RGS4: variants seen among roughly 807,000 people sequenced by gnomAD.
RGS4 encodes the protein regulator of G protein signaling 4.
In RGS4, 15 loss-of-function variants were observed where a neutral mutation model predicts 21.6. That is an observed-to-expected ratio of 0.69 (90% CI 0.46 to 1.07). The LOEUF is 1.07. Among genes scored for constraint, RGS4 ranks in the 50% least tolerant of loss-of-function variants. RGS4 has a pLI of 0.00. For synonymous variants in RGS4, 94 were observed against 85.5 expected, an observed-to-expected ratio of 1.10 and a Z score of -0.55; for missense variants, 237 against 239.0, an observed-to-expected ratio of 0.99 and a Z score of 0.06.
Position 163,074,356 on chromosome 1 carries a change from C to G in RGS4, c.414C>G (p.Ser138Arg). ...ATTCTTGCACCAGGGAAGAGACAAG[C>G]CGGAACATGCTAGAGCCTACAATAA... Reference protein sequence around the residue: ...NLDSCTREETSRNMLEPTITC... With the variant: ...NLDSCTREETRRNMLEPTITC... The change falls in exon 5 of 5, where the codon AGC becomes AGG. Residue 138 changes from serine to arginine, a missense_variant. Coordinates refer to ENST00000367909, the MANE Select transcript of RGS4 (RefSeq NM_005613.6). The G allele has an allele frequency of 6.2e-7, 1 of 1,613,846 alleles. No homozygotes were observed. Among genetic ancestry groups the G allele is most frequent in the Non-Finnish European group, 8.5e-7 (1 of 1,179,814 alleles).
In RGS4 at chr1:163,072,858, G is replaced by A. The variant is rs1331385417; in HGVS notation, c.203G>A (p.Ser68Asn). 2 of 1,612,956 alleles carry A rather than the reference G, an allele frequency of 1.2e-6. No homozygotes were observed. The highest frequency in any genetic ancestry group is 1.7e-6 in the Non-Finnish European group (2 of 1,179,298). ...GCTGAATCACTGGAAAACCTGATTA[G>A]TCATGAATGTAAGTCTGACAGCAAC... ...KWAESLENLI[S>N]HECGLAAFKA... Residue 68 changes from serine to asparagine, a missense_variant, in exon 3 of 5, where the codon AGT becomes AAT. Physicochemically the swap from Ser to Asn is conservative, Grantham distance 46 (BLOSUM62 1). Transcript: ENST00000367909.
At chr1:163,073,739 C>A (rs1255604492) in intron 4 of RGS4, 117 bp downstream of exon 4, 2 of 623,544 alleles carry the variant, frequency 3.2e-6, no homozygotes, top group African/African-American at 1.9e-5. Context: ...ATACATATCT[C>A]AAACATTTAT....
In RGS4 at chr1:163,075,059, A is replaced by G; in HGVS notation, c.*499A>G. Reference sequence around the variant, plus strand: ...AGACACACATATACATTATTTCTGTATATAGATGTCTGTGTATACATATGT... The same window carrying G: ...AGACACACATATACATTATTTCTGTGTATAGATGTCTGTGTATACATATGT... On this transcript the variant is annotated 3_prime_UTR_variant, in exon 5 of 5. Coordinates refer to ENST00000367909, the MANE Select transcript of RGS4 (RefSeq NM_005613.6). 4.3e-6 allele frequency: 1 copy of G among 232,478 alleles called. No individual in the cohort carries two copies. Among genetic ancestry groups the G allele is most frequent in the East Asian group, 1.0e-4 (1 of 9,686 alleles). 14.4% of individuals were successfully genotyped at this position (232,478 alleles called of 1,614,324 possible).
Position 163,074,583 on chromosome 1 carries a change from T to C in RGS4, c.*23T>C. 1.2e-6 allele frequency: 2 copies of C among 1,613,836 alleles called. No individual in the cohort carries two copies. Among genetic ancestry groups the C allele is most frequent in the Non-Finnish European group, 1.7e-6 (2 of 1,179,864 alleles). ...TAATTCTCACCTGAAGGCAGAGGGA[T>C]GAAATGCCAAGACTCTATGCTCTGG... On this transcript the variant is annotated 3_prime_UTR_variant, in exon 5 of 5. Coordinates refer to ENST00000367909, the MANE Select transcript of RGS4 (RefSeq NM_005613.6).
At chr1:163,068,911 A>C, upstream of RGS4, 16 of 1,509,460 alleles carry the variant, frequency 1.1e-5, no homozygotes, top group East Asian at 2.3e-5. Context: ...CCTTTTGGAA[A>C]TCGTGAGGAT....
Position 163,075,762 on chromosome 1 carries a change from A to G in RGS4, c.*1202A>G, listed in dbSNP as rs1655475167. ...TTTCTTTATAATGGCTCTGGGCTAT[A>G]TGCCTATATTTATAAACCAGCAGCA... On this transcript the variant is annotated 3_prime_UTR_variant, in exon 5 of 5. Coordinates refer to ENST00000367909, the MANE Select transcript of RGS4 (RefSeq NM_005613.6). The G allele has an allele frequency of 6.6e-6, 1 of 152,046 alleles. No homozygotes were observed. The highest frequency in any genetic ancestry group is 2.4e-5 in the African/African-American group (1 of 41,404). The allele number at this position is 152,046 out of a possible 1,614,324, so 9.4% of individuals were successfully genotyped here.
intron 3 of RGS4, 59 bp downstream of exon 3, chr1:163,072,925 G>C: frequency 2.1e-6 from 3 of 1,420,940 alleles, no homozygotes; most frequent in Non-Finnish European, 3.0e-6. Context: ...ATATTATGCT[G>C]GTCTAATAGA....
chr1:163,072,036 T>G (rs963871959), intron 1 of RGS4: 53 of 997,816 alleles, frequency 5.3e-5, no homozygotes, highest in Non-Finnish European at 5.7e-5. Flanking sequence ...TTCCTAAAAA[T>G]TACTCAGAGA....
chr1:163,068,906 T>G (rs1438994115), upstream of RGS4: 3 of 1,488,846 alleles, frequency 2.0e-6, no homozygotes, highest in Non-Finnish European at 2.8e-6. Context: ...AGCTCCCTTT[T>G]GGAAATCGTG....
chr1:163,072,287 C>G (rs112534087), intron 1 of RGS4, 108 bp from the exon 2 acceptor site: 3 of 934,312 alleles, frequency 3.2e-6, no homozygotes, highest in Non-Finnish European at 4.7e-6. Context: ...GTTCCCTAAA[C>G]TGTCTCTGAG....
Position 163,074,952 on chromosome 1 carries a change from T to C in RGS4, c.*392T>C. ...ATGTATTCTGTTGGCCAGCACGTTC[T>C]CCAGACTCTAGATGTTTAGATGAGG... On this transcript the variant is annotated 3_prime_UTR_variant, in exon 5 of 5. Coordinates refer to ENST00000367909, the MANE Select transcript of RGS4 (RefSeq NM_005613.6). The C allele has an allele frequency of 3.8e-6, 2 of 519,536 alleles. No individual in the cohort carries two copies. The highest frequency in any genetic ancestry group is 6.9e-6 in the Non-Finnish European group (2 of 290,270). The allele number at this position is 519,536 out of a possible 1,614,324, so 32.2% of individuals were successfully genotyped here. A position where few individuals can be genotyped will look rare whatever the true frequency, so the allele number is the denominator to read the frequency against.
chr1:163,071,500 G>A (rs1655298278), intron 1 of RGS4, among the ~76,000 whole-genome samples: 1 of 152,024 alleles, frequency 6.6e-6, no homozygotes, highest in South Asian at 2.1e-4. Context: ...TTAATAAAAA[G>A]TAAGAGAGTT....
At chr1:163,069,566 T>C in intron 1 of RGS4, 38 bp downstream of exon 1, 6 of 1,547,316 alleles carry the variant, frequency 3.9e-6, no homozygotes, top group Non-Finnish European at 5.3e-6. Context: ...ATTAAACTTT[T>C]GGCTAGACTT....
intron 4 of RGS4, 58 bp from the exon 5 acceptor site, chr1:163,074,263 A>G: frequency 6.2e-7 from 1 of 1,605,538 alleles, no homozygotes; most frequent in Non-Finnish European, 8.5e-7. Flanking sequence ...CAAAGCATAC[A>G]GGCTTGCATC....
rs11544157 is a variant in RGS4, at chr1:163,074,434, C to T, written c.492C>T (p.Ser164=). ...TTTTCAACCTGATGGAGAAGGATTC[C>T]TACCGCCGCTTCCTCAAGTCTCGAT... ...KKIFNLMEKD[S]YRRFLKSRFY... Residue 164 remains serine, a synonymous_variant, in exon 5 of 5, where the codon TCC becomes TCT. Transcript: ENST00000367909. 1.2e-6 allele frequency: 2 copies of T among 1,613,884 alleles called. No homozygotes were observed. The highest frequency in any genetic ancestry group is 1.3e-5 in the African/African-American group (1 of 75,020).
chr1:163,073,280 G>A (rs1354004056), intron 3 of RGS4, among the ~76,000 whole-genome samples, 176 bp from the exon 4 acceptor site: 1 of 152,094 alleles, frequency 6.6e-6, no homozygotes, highest in Non-Finnish European at 1.5e-5. Flanking sequence ...GGGAACCACT[G>A]GATATCAAAC....
At chr1:163,074,202 T>C (rs1655420444) in intron 4 of RGS4, 119 bp from the exon 5 acceptor site, 2 of 1,316,482 alleles carry the variant, frequency 1.5e-6, no homozygotes, top group South Asian at 2.8e-5. Context: ...ATGTCACTTT[T>C]GTTTTTTGCT....
In RGS4 at chr1:163,074,199, T is replaced by C; in HGVS notation, c.379-122T>C. 4 of 1,294,524 alleles carry C rather than the reference T, an allele frequency of 3.1e-6. No homozygotes were observed. In the Admixed American group the frequency reaches 6.2e-5, roughly 20 times the overall value. 80.2% of individuals were successfully genotyped at this position (1,294,524 alleles called of 1,614,324 possible). On this transcript the variant is annotated intron_variant, in intron 4 of 4. Coordinates refer to ENST00000367909, the MANE Select transcript of RGS4 (RefSeq NM_005613.6). ...GTGCCAAGGAGGACCCCAATGTCACTTTTGTTTTTTGCTTCTGAAATACAG... is the reference window on the plus strand; with the variant it reads ...GTGCCAAGGAGGACCCCAATGTCACCTTTGTTTTTTGCTTCTGAAATACAG...
At chr1:163,072,899 C>T (rs1382270422) in intron 3 of RGS4, 33 bp downstream of exon 3, 3 of 1,566,384 alleles carry the variant, frequency 1.9e-6, no homozygotes, top group Non-Finnish European at 2.6e-6. Flanking sequence ...ATGAGGTACT[C>T]TGGATAAGAC....
Sources: gnomAD v4.1 joint callset for allele counts (sites outside exome capture counted in the v4.1 genomes callset) on GRCh38, gnomAD v4.1.1 for gene constraint, MANE v1.5 for transcripts, NCBI Gene and HGNC (gene_info 2026-07-23, HGNC 2026-07-21) for gene names.